The following ARHGAP10 variants were observed in gnomAD, a reference collection of about 807,000 sequenced individuals.
The protein encoded by ARHGAP10 is Rho GTPase activating protein 10.
A neutral mutation model predicts 108.6 loss-of-function variants in ARHGAP10; 87 were observed. The ratio of observed to expected loss-of-function variants is 0.80; its 90% CI spans 0.67 to 0.96. The LOEUF is 0.96. Among genes scored for constraint, ARHGAP10 ranks in the 40% least tolerant of loss-of-function variants. ARHGAP10 has a pLI of 0.00. For missense variants in ARHGAP10, 939 were observed against 954.5 expected (o/e 0.98, Z 0.21); for synonymous variants, 347 against 341.1 (o/e 1.02, Z -0.19).
intron 1 of ARHGAP10, among the ~76,000 whole-genome samples, chr4:147,768,339 A>G (rs890345929): frequency 6.6e-6 from 1 of 152,182 alleles, no homozygotes; most frequent in African/African-American, 2.4e-5. Flanking sequence ...ATTACGTTGT[A>G]AAATACTTCC....
At chr4:147,908,254 A>G (rs1736582335) in intron 11 of ARHGAP10, among the ~76,000 whole-genome samples, 1 of 152,234 alleles carries the variant, frequency 6.6e-6, no homozygotes, top group African/African-American at 2.4e-5. Flanking sequence ...AGTCTTCTTT[A>G]GTAAAGACAG....
chr4:148,023,250 G>T lies in ARHGAP10; in HGVS notation c.1717-13G>T. The T allele has an allele frequency of 6.2e-7, 1 of 1,613,734 alleles. No individual in the cohort carries two copies. Among genetic ancestry groups the T allele is most frequent in the Non-Finnish European group, 8.5e-7 (1 of 1,179,742 alleles). On this transcript the variant is annotated splice_polypyrimidine_tract_variant and intron_variant, in intron 18 of 22. Transcript: ENST00000336498. Reference sequence around the variant, plus strand: ...ATGGTAAATAATTCCTGTCCTTTATGCTTTGTTGGAAGATTTTTCGGACGC... The same window carrying T: ...ATGGTAAATAATTCCTGTCCTTTATTCTTTGTTGGAAGATTTTTCGGACGC...
chr4:147,775,443 T>C (rs10011328), intron 1 of ARHGAP10, among the ~76,000 whole-genome samples: 143,030 of 152,292 alleles, frequency 0.94, 67,545 homozygotes, highest in Non-Finnish European at 0.99. Flanking sequence ...AGGGGCCAGC[T>C]TCAGGGGCCA....
chr4:147,736,120 C>CTGTGTGTGTGTGTGTG (rs10644088), intron 1 of ARHGAP10, among the ~76,000 whole-genome samples: 38 of 144,744 alleles, frequency 2.6e-4, no homozygotes, highest in African/African-American at 9.2e-4. Flanking sequence ...AATTGTCTAG[C>CTGTGTGTGTGTGTGTG]TGTGTGTGTG....
chr4:147,934,838 TAAA>T (rs570763272), intron 13 of ARHGAP10, among the ~76,000 whole-genome samples: 2 of 152,094 alleles, frequency 1.3e-5, no homozygotes, highest in Non-Finnish European at 2.9e-5. Context: ...GCCTTAAAAA[TAAA>T]AAATTTTAAA....
At chr4:147,968,949 T>A (rs1739301284) in intron 18 of ARHGAP10, among the ~76,000 whole-genome samples, 1 of 152,256 alleles carries the variant, frequency 6.6e-6, no homozygotes. Flanking sequence ...CAGTCTAATA[T>A]GTTACATAAC....
intron 20 of ARHGAP10, among the ~76,000 whole-genome samples, chr4:148,054,496 T>C (rs2149684944): frequency 6.6e-6 from 1 of 152,348 alleles, no homozygotes; most frequent in South Asian, 2.1e-4. Flanking sequence ...TTAATATTCT[T>C]AGTTTAACTT....
At chr4:147,750,764 G>A (rs1343300192) in intron 1 of ARHGAP10, among the ~76,000 whole-genome samples, 1 of 151,594 alleles carries the variant, frequency 6.6e-6, no homozygotes, top group Non-Finnish European at 1.5e-5. Context: ...ACCACGCCTG[G>A]CTAATTTTTG....
chr4:147,810,182 A>G (rs555617770), intron 1 of ARHGAP10, among the ~76,000 whole-genome samples: 3 of 152,202 alleles, frequency 2.0e-5, no homozygotes, highest in Non-Finnish European at 4.4e-5. Context: ...CAGGCGAGAG[A>G]TCATTTACCC....
At chr4:147,991,771 G>A (rs1385167867) in intron 18 of ARHGAP10, among the ~76,000 whole-genome samples, 1 of 152,232 alleles carries the variant, frequency 6.6e-6, no homozygotes, top group African/African-American at 2.4e-5. Context: ...CCTTTCTAAG[G>A]ATAGTAGGCT....
chr4:147,965,626 G>A (rs1416216823), intron 17 of ARHGAP10, among the ~76,000 whole-genome samples: 1 of 152,216 alleles, frequency 6.6e-6, no homozygotes, highest in East Asian at 1.9e-4. Flanking sequence ...GACGTGAAAG[G>A]AAGCTGAAGA....
At position 148,009,918 on chromosome 4, in the gene ARHGAP10, C is replaced by T. The variant is rs544623605; in HGVS notation, c.1717-13345C>T. 2.6e-5 allele frequency among the ~76,000 whole-genome samples: 4 copies of T among 152,274 alleles called. No individual in the cohort carries two copies. The South Asian group carries it at 6.2e-4, about 24-fold the overall frequency. On this transcript the variant is annotated intron_variant, in intron 18 of 22. Coordinates refer to ENST00000336498, the MANE Select transcript of ARHGAP10 (RefSeq NM_024605.4). The stretch of plus-strand genomic sequence containing the variant: ...CGTTGTGAAGGCTGCTTTTGTGAAA[C>T]CTCAGTTTCTGGTATCTGAATAAGG...
intron 4 of ARHGAP10, among the ~76,000 whole-genome samples, chr4:147,855,622 A>G (rs1222611923): frequency 6.6e-6 from 1 of 151,664 alleles, no homozygotes; most frequent in Non-Finnish European, 1.5e-5. Flanking sequence ...TCTATGAGGC[A>G]GTTAAAGAAA....
intron 19 of ARHGAP10, among the ~76,000 whole-genome samples, chr4:148,024,402 G>T: frequency 6.6e-6 from 1 of 152,172 alleles, no homozygotes. Flanking sequence ...GATGGTGACA[G>T]ATACCATGCC....
chr4:147,820,049 G>A (rs760603556), intron 1 of ARHGAP10, among the ~76,000 whole-genome samples: 2 of 152,128 alleles, frequency 1.3e-5, no homozygotes, highest in Non-Finnish European at 1.5e-5. Flanking sequence ...GAATGGAGAG[G>A]GCCACGGTGC....
chr4:147,754,676 C>T (rs1729296849), intron 1 of ARHGAP10, among the ~76,000 whole-genome samples: 1 of 152,044 alleles, frequency 6.6e-6, no homozygotes, highest in African/African-American at 2.4e-5. Flanking sequence ...TACTGTTACA[C>T]ATGTGCATTA....
rs1729120931 is a variant in ARHGAP10, at chr4:147,751,003, C to A, written c.154+18548C>A. Among the ~76,000 whole-genome samples, 3 of 151,794 alleles carry A rather than the reference C, an allele frequency of 2.0e-5. No homozygotes were observed. In the South Asian group the frequency reaches 6.3e-4, roughly 32 times the overall value. ...GACTAGCCTGATCAACATGGTGAAACCCCATCTCTGCTAAAAAATATAAAA... is the reference window on the plus strand; with the variant it reads ...GACTAGCCTGATCAACATGGTGAAAACCCATCTCTGCTAAAAAATATAAAA... On this transcript the variant is annotated intron_variant, in intron 1 of 22. Coordinates refer to ENST00000336498, the MANE Select transcript of ARHGAP10 (RefSeq NM_024605.4).
intron 10 of ARHGAP10, among the ~76,000 whole-genome samples, chr4:147,895,512 CAAAAA>C (rs70958593): frequency 2.3e-5 from 2 of 85,314 alleles, no homozygotes; most frequent in Admixed American, 3.0e-4. Flanking sequence ...GACCCTGTCT[CAAAAA>C]AAAAAAAAAA....
intron 10 of ARHGAP10, among the ~76,000 whole-genome samples, chr4:147,902,315 G>A (rs1330663172): frequency 6.6e-6 from 1 of 152,112 alleles, no homozygotes; most frequent in Non-Finnish European, 1.5e-5. Flanking sequence ...ACCTGATCTG[G>A]CTGTTCCCCT....
Sources: allele counts gnomAD v4.1 joint callset (sites outside exome capture counted in the v4.1 genomes callset), GRCh38; gene constraint gnomAD v4.1.1; transcripts MANE v1.5; gene names NCBI Gene and HGNC (gene_info 2026-07-23, HGNC 2026-07-21).